Variants in RIN2 observed in about 807,000 individuals in gnomAD.
RIN2 encodes the protein RAB5 interacting protein 2.
Under a neutral mutation model 78.0 loss-of-function variants are expected in RIN2, and 36 were observed. The ratio of observed to expected loss-of-function variants is 0.46; its 90% CI spans 0.35 to 0.61. The LOEUF (loss-of-function observed/expected upper bound fraction) is 0.61. Ranked by LOEUF, RIN2 falls within the 20% of genes least tolerant of loss-of-function variation. The pLI is 0.00. For missense variants in RIN2, 1,087 were observed against 1,159.7 expected, an observed-to-expected ratio of 0.94 and a Z score of 0.91; for synonymous variants, 466 against 466.8, an observed-to-expected ratio of 1.00 and a Z score of 0.02.
intron 3 of RIN2, among the ~76,000 whole-genome samples, chr20:19,923,511 T>A (rs1161909684): frequency 6.7e-6 from 1 of 148,620 alleles, no homozygotes; most frequent in African/African-American, 2.5e-5. Flanking sequence ...AGAGGTGTGG[T>A]TCACACCTGT....
chr20:19,835,578 A>T (rs2036398586), intron 2 of RIN2, among the ~76,000 whole-genome samples: 1 of 152,178 alleles, frequency 6.6e-6, no homozygotes, highest in Non-Finnish European at 1.5e-5. Flanking sequence ...AAAAAGCTAT[A>T]CTCTAAGGTA....
At chr20:19,925,866 G>A (rs2040202355) in intron 3 of RIN2, among the ~76,000 whole-genome samples, 1 of 152,160 alleles carries the variant, frequency 6.6e-6, no homozygotes, top group Non-Finnish European at 1.5e-5. Context: ...TTTTCTCTGA[G>A]GTTTCACACA....
chr20:19,900,344 C>T (rs577050220), intron 3 of RIN2, among the ~76,000 whole-genome samples: 24 of 151,758 alleles, frequency 1.6e-4, no homozygotes, highest in African/African-American at 3.1e-4. Context: ...ATTAGTCAGG[C>T]GTGGTGGTGC....
At chr20:19,964,399 A>G (rs1167191232) in intron 6 of RIN2, among the ~76,000 whole-genome samples, 2 of 152,196 alleles carry the variant, frequency 1.3e-5, no homozygotes, top group African/African-American at 2.4e-5. Context: ...ATGAGGCACC[A>G]TGCCCGGCCA....
At chr20:19,938,517 G>A (rs947840216) in intron 4 of RIN2, among the ~76,000 whole-genome samples, 11 of 152,082 alleles carry the variant, frequency 7.2e-5, no homozygotes, top group East Asian at 5.8e-4. Flanking sequence ...GAGCCACTGC[G>A]CCTGGCTGAG....
In RIN2 at chr20:19,937,972, C is replaced by T. The variant is rs531295142; in HGVS notation, c.158+2773C>T. ...AAAGTGAAGATGTCAGTTTTTGGCCCGATGGCCAGTGCCCACCTCCCGTCC... is the reference window on the plus strand; with the variant it reads ...AAAGTGAAGATGTCAGTTTTTGGCCTGATGGCCAGTGCCCACCTCCCGTCC... On this transcript the variant is annotated intron_variant, in intron 4 of 12. Transcript: ENST00000255006. Among the ~76,000 whole-genome samples, 10 of 152,300 alleles carry T rather than the reference C, an allele frequency of 6.6e-5. No homozygotes were observed. In the South Asian group the frequency reaches 1.7e-3, roughly 25 times the overall value.
intron 2 of RIN2, among the ~76,000 whole-genome samples, chr20:19,813,062 A>C (rs1377352546): frequency 6.6e-6 from 1 of 152,194 alleles, no homozygotes; most frequent in South Asian, 2.1e-4. Flanking sequence ...TGCAGGAAGA[A>C]CACAGGCACT....
intron 4 of RIN2, among the ~76,000 whole-genome samples, chr20:19,943,907 T>C (rs2040979666): frequency 6.6e-6 from 1 of 151,972 alleles, no homozygotes; most frequent in African/African-American, 2.4e-5. Flanking sequence ...GAATAATGGA[T>C]TGGGGTTTCC....
chr20:19,792,026 G>A (rs879672082), intron 1 of RIN2, among the ~76,000 whole-genome samples: 7 of 152,196 alleles, frequency 4.6e-5, no homozygotes, highest in Non-Finnish European at 5.9e-5. Flanking sequence ...CATGGTTGGG[G>A]GAAGAGGAAG....
intron 3 of RIN2, among the ~76,000 whole-genome samples, chr20:19,905,335 G>A (rs1221629432): frequency 6.6e-6 from 1 of 152,170 alleles, no homozygotes; most frequent in African/African-American, 2.4e-5. Flanking sequence ...TATGTGGAGT[G>A]GACAAGAGAG....
chr20:19,856,901 T>TA (rs1276538344), intron 2 of RIN2, among the ~76,000 whole-genome samples: 1 of 152,196 alleles, frequency 6.6e-6, no homozygotes, highest in East Asian at 1.9e-4. Context: ...ACTTTTTATA[T>TA]GGCTTTTTAA....
chr20:19,852,038 A>G (rs1248806777), intron 2 of RIN2, among the ~76,000 whole-genome samples: 3 of 152,100 alleles, frequency 2.0e-5, no homozygotes, highest in Non-Finnish European at 4.4e-5. Flanking sequence ...CATCTCTGAC[A>G]CATGTTCTCA....
chr20:19,994,230 G>A (rs2042887201), intron 11 of RIN2, among the ~76,000 whole-genome samples: 1 of 152,228 alleles, frequency 6.6e-6, no homozygotes, highest in African/African-American at 2.4e-5. Flanking sequence ...GAAGTAGGCG[G>A]CCCAGTTGGG....
chr20:19,819,024 G>A (rs1195672852), intron 2 of RIN2, among the ~76,000 whole-genome samples: 2 of 152,216 alleles, frequency 1.3e-5, no homozygotes, highest in African/African-American at 4.8e-5. Flanking sequence ...ATGTAAAAAT[G>A]TGTGTGCATG....
At chr20:19,826,934 T>C (rs906328265) in intron 2 of RIN2, among the ~76,000 whole-genome samples, 2 of 136,552 alleles carry the variant, frequency 1.5e-5, no homozygotes, top group African/African-American at 5.4e-5. Flanking sequence ...TTGTTATTGT[T>C]GGTGGTGGTG....
intron 4 of RIN2, among the ~76,000 whole-genome samples, chr20:19,948,874 C>G (rs1463626364): frequency 6.6e-6 from 1 of 152,096 alleles, no homozygotes; most frequent in Non-Finnish European, 1.5e-5. Context: ...ATGATCACAG[C>G]TCACTGCAGC....
At chr20:19,824,883 AC>A (rs1207685484) in intron 2 of RIN2, among the ~76,000 whole-genome samples, 1 of 152,070 alleles carries the variant, frequency 6.6e-6, no homozygotes, top group Non-Finnish European at 1.5e-5. Flanking sequence ...ATGCTGATCC[AC>A]CCAGATCTCC....
rs1013709605 is a variant in RIN2 at position 19,988,601 on chromosome 20, A to G, written c.1763-1405A>G. On this transcript the variant is annotated intron_variant, in intron 9 of 12. Coordinates refer to ENST00000255006, the MANE Select transcript of RIN2 (RefSeq NM_018993.4). ...GACAAAGCAGAGGAGTTATTATTAT[A>G]TAAATAGCCTTCAGCCCGCATCTCT... is the stretch of plus-strand genomic sequence containing the variant. 3.3e-5 allele frequency among the ~76,000 whole-genome samples: 5 copies of G among 152,178 alleles called. No individual in the cohort carries two copies. In the East Asian group the frequency reaches 9.6e-4, roughly 29 times the overall value.
chr20:19,825,055 A>T (rs1047934700), intron 2 of RIN2, among the ~76,000 whole-genome samples: 18 of 152,190 alleles, frequency 1.2e-4, no homozygotes, highest in Admixed American at 7.9e-4. Context: ...CACCAGTGGG[A>T]TAACTGTGGG....
Sources: allele counts gnomAD v4.1 joint callset (sites outside exome capture counted in the v4.1 genomes callset), GRCh38; gene constraint gnomAD v4.1.1; transcripts MANE v1.5; gene names NCBI Gene and HGNC (gene_info 2026-07-23, HGNC 2026-07-21).